The following GSE1 variants were observed in gnomAD, a reference collection of about 807,000 sequenced individuals.
The protein encoded by GSE1 is Gse1 coiled-coil protein.
In GSE1, 32 loss-of-function variants were observed where a neutral mutation model predicts 112.6. The observed-to-expected ratio is 0.28, with a 90% CI of 0.21 to 0.38. The LOEUF (loss-of-function observed/expected upper bound fraction) is 0.38. Among genes scored for constraint, GSE1 ranks in the 10% least tolerant of loss-of-function variants. The pLI is 1.00. For synonymous variants in GSE1, 1,115 were observed against 735.6 expected, an observed-to-expected ratio of 1.52 and a Z score of -8.35; for missense variants, 2,348 against 1,699.2, an observed-to-expected ratio of 1.38 and a Z score of -6.71.
chr16:85,501,149 C>T (rs943140085), intron 2 of GSE1, among the ~76,000 whole-genome samples: 2 of 151,450 alleles, frequency 1.3e-5, no homozygotes, highest in East Asian at 2.0e-4. Context: ...TACAGGCGCC[C>T]CCCACCACGC....
chr16:85,453,195 G>A (rs1427231878), intron 2 of GSE1, among the ~76,000 whole-genome samples: 1 of 152,138 alleles, frequency 6.6e-6, no homozygotes. Flanking sequence ...TTAGACATTG[G>A]CACGGCTGAT....
At chr16:85,628,932 G>A (rs931935231) in intron 1 of GSE1, among the ~76,000 whole-genome samples, 14 of 152,176 alleles carry the variant, frequency 9.2e-5, no homozygotes, top group African/African-American at 3.1e-4. Flanking sequence ...GTGTCCTCCA[G>A]TTTTGGAGGT....
chr16:85,502,952 G>A lies in GSE1; in HGVS notation c.2465-130962G>A, dbSNP rs114790847. 7.2e-3 allele frequency among the ~76,000 whole-genome samples: 1,090 copies of A among 152,266 alleles called. 14 individuals carry two copies. Among genetic ancestry groups the A allele is most frequent in the African/African-American group, 0.025 (1,037 of 41,546 alleles). On this transcript the variant is annotated intron_variant, in intron 2 of 2. Coordinates refer to the GSE1 transcript ENST00000637419. ...AATGCGTGGCGGGAGGAGGATTATC[G>A]GAGGAGACAGACAAGGTCCAGGGCT... is the stretch of plus-strand genomic sequence containing the variant.
intron 2 of GSE1, among the ~76,000 whole-genome samples, chr16:85,403,422 C>T (rs1015404826): frequency 2.6e-5 from 4 of 152,188 alleles, no homozygotes; most frequent in African/African-American, 7.2e-5. Context: ...ACTGAGTGTT[C>T]GGAGAATGAG....
intron 2 of GSE1, among the ~76,000 whole-genome samples, chr16:85,437,875 G>A (rs1310661368): frequency 6.6e-6 from 1 of 152,188 alleles, no homozygotes; most frequent in Non-Finnish European, 1.5e-5. Context: ...TGTCAGGCAT[G>A]TTGCTGAACC....
chr16:85,281,607 G>C (rs1466158059), intron 1 of GSE1, among the ~76,000 whole-genome samples: 1 of 152,118 alleles, frequency 6.6e-6, no homozygotes, highest in South Asian at 2.1e-4. Context: ...CTCTAAAAAC[G>C]ATATGCAATG....
chr16:85,675,456 T>G lies in GSE1; in HGVS notation c.*2917T>G, dbSNP rs973099039. On this transcript the variant is annotated 3_prime_UTR_variant, in exon 16 of 16. Transcript: ENST00000253458. ...CAGATAAGTGACCAAGACGGGACTTTCCACATTTTAGTCTACATTCTAATC... is the reference window on the plus strand; with the variant it reads ...CAGATAAGTGACCAAGACGGGACTTGCCACATTTTAGTCTACATTCTAATC... The G allele has an allele frequency of 2.6e-5, 4 of 152,262 alleles. No individual in the cohort carries two copies. The highest frequency in any genetic ancestry group is 1.3e-4 in the Admixed American group (2 of 15,286). 9.4% of individuals were successfully genotyped at this position (152,262 alleles called of 1,614,324 possible). A position where few individuals can be genotyped will look rare whatever the true frequency, so the allele number is the denominator to read the frequency against.
At chr16:85,582,757 T>C (rs973226901) in intron 1 of GSE1, among the ~76,000 whole-genome samples, 1 of 152,134 alleles carries the variant, frequency 6.6e-6, no homozygotes, top group African/African-American at 2.4e-5. Context: ...CCTCGCCTCT[T>C]AATGCCTTTT....
chr16:85,445,514 C>T lies in GSE1; in HGVS notation c.2464+87871C>T, dbSNP rs530560118. On this transcript the variant is annotated intron_variant, in intron 2 of 2. Transcript: ENST00000637419. ...GTTGAGCTAAGCTTTGCGTGGCGGG[C>T]GGCTGGCAGCGATCTGCTGAGCCTT... Among the ~76,000 whole-genome samples the T allele has an allele frequency of 6.0e-4, 91 of 152,356 alleles. 1 individual carries two copies. Among genetic ancestry groups the T allele is most frequent in the Admixed American group, 9.8e-4 (15 of 15,300 alleles).
intron 1 of GSE1, among the ~76,000 whole-genome samples, chr16:85,246,042 T>C (rs1044447164): frequency 8.6e-5 from 13 of 151,560 alleles, no homozygotes; most frequent in African/African-American, 3.2e-4. Flanking sequence ...TGTCTGCATG[T>C]GTTAGTGTGC....
At chr16:85,305,506 A>T (rs1010434091) in intron 1 of GSE1, among the ~76,000 whole-genome samples, 31 of 151,124 alleles carry the variant, frequency 2.1e-4, no homozygotes, top group Admixed American at 6.6e-4. Context: ...TTTGAGACGG[A>T]GTCTTGCTCT....
At chr16:85,670,952 C>G in intron 14 of GSE1, 43 bp from the exon 15 acceptor site, 1 of 1,254,926 alleles carries the variant, frequency 8.0e-7, no homozygotes, top group East Asian at 2.3e-5. Flanking sequence ...GGCCTTCGGG[C>G]TCCTGCATAC....
chr16:85,170,865 C>G (rs975855114), exon 1 of GSE1: 44 of 985,464 alleles, frequency 4.5e-5, no homozygotes, highest in Non-Finnish European at 4.9e-5. Context: ...TGCAGCGACT[C>G]TATGTGGTGC....
At chr16:85,428,087 T>C (rs1260553744) in intron 2 of GSE1, among the ~76,000 whole-genome samples, 7 of 152,182 alleles carry the variant, frequency 4.6e-5, no homozygotes, top group African/African-American at 7.2e-5. Context: ...AGGACCCAGA[T>C]AGACCCCTTG....
At chr16:85,487,759 G>A (rs1234360765) in intron 2 of GSE1, among the ~76,000 whole-genome samples, 1 of 151,678 alleles carries the variant, frequency 6.6e-6, no homozygotes, top group East Asian at 1.9e-4. Context: ...AAGGAGGTGG[G>A]TCGTCCAGGC....
chr16:85,567,544 A>C (rs2045811427), intron 1 of GSE1, among the ~76,000 whole-genome samples: 1 of 152,074 alleles, frequency 6.6e-6, no homozygotes, highest in Admixed American at 6.5e-5. Context: ...GTGTGGCATG[A>C]GCTTCCTCAA....
intron 1 of GSE1, among the ~76,000 whole-genome samples, chr16:85,632,880 T>C (rs2049659074): frequency 6.6e-6 from 1 of 152,148 alleles, no homozygotes; most frequent in Non-Finnish European, 1.5e-5. Context: ...GGTGGAAACA[T>C]TTTGACCAGG....
chr16:85,403,297 C>G (rs2048162800), intron 2 of GSE1, among the ~76,000 whole-genome samples: 1 of 152,206 alleles, frequency 6.6e-6, no homozygotes, highest in South Asian at 2.1e-4. Context: ...GTGCCATGTT[C>G]CATTCATTAG....
At chr16:85,243,277 G>A (rs537132828) in intron 1 of GSE1, among the ~76,000 whole-genome samples, 5 of 152,352 alleles carry the variant, frequency 3.3e-5, no homozygotes, top group African/African-American at 9.6e-5. Context: ...TTGCTGGGCC[G>A]AGCTACAGTC....
Sources: gnomAD v4.1 joint callset for allele counts (sites outside exome capture counted in the v4.1 genomes callset) on GRCh38, gnomAD v4.1.1 for gene constraint, MANE v1.5 for transcripts, NCBI Gene and HGNC (gene_info 2026-07-23, HGNC 2026-07-21) for gene names.